ZNF883: variants seen among roughly 807,000 people sequenced by gnomAD.
ZNF883 encodes the protein zinc finger protein 883.
At chr9:112,996,789 TCAAAAAA>T (rs1421275188), downstream of ZNF883, among the ~76,000 whole-genome samples, 320 of 28,256 alleles carry the variant, frequency 0.011, 2 homozygotes, top group East Asian at 0.028. Context: ...AGACTCCGTC[TCAAAAAA>T]AAAAAAAAAA....
downstream of ZNF883, among the ~76,000 whole-genome samples, chr9:112,994,301 C>T (rs1459232611): frequency 1.3e-5 from 2 of 151,886 alleles, no homozygotes; most frequent in South Asian, 2.1e-4. Flanking sequence ...CTTTTCCTCA[C>T]TCTCCGTGCT....
chr9:113,005,761 G>A (rs1325234223), intron 2 of ZNF883, among the ~76,000 whole-genome samples: 6 of 152,008 alleles, frequency 3.9e-5, no homozygotes, highest in African/African-American at 1.2e-4. Context: ...ATGTCTGTCT[G>A]CCTTCCTAGG....
downstream of ZNF883, among the ~76,000 whole-genome samples, chr9:112,993,133 TGGA>T (rs1166941311): frequency 1.3e-5 from 2 of 152,222 alleles, no homozygotes; most frequent in African/African-American, 2.4e-5. Flanking sequence ...TGCAATCAAT[TGGA>T]GGAGAAGAGG....
At chr9:113,007,445 T>C (rs181800847) in intron 2 of ZNF883, among the ~76,000 whole-genome samples, 6 of 152,252 alleles carry the variant, frequency 3.9e-5, no homozygotes, top group Non-Finnish European at 5.9e-5. Context: ...CTTACCTACT[T>C]CTTAGTATAC....
chr9:113,008,908 CTAGTTCTCTTA>C (rs1828503236), intron 2 of ZNF883, among the ~76,000 whole-genome samples: 2 of 151,902 alleles, frequency 1.3e-5, no homozygotes, highest in South Asian at 4.2e-4. Context: ...AAGTTCTTTT[CTAGTTCTCTTA>C]GTGAAATAGG....
intron 1 of ZNF883, among the ~76,000 whole-genome samples, chr9:112,991,355 CAGG>C (rs1828300262): frequency 6.6e-6 from 1 of 152,100 alleles, no homozygotes; most frequent in Non-Finnish European, 1.5e-5. Context: ...AGGAGTCATT[CAGG>C]AGAAGGTTGT....
At chr9:113,003,652 TCA>T (rs1199968212) in intron 2 of ZNF883, among the ~76,000 whole-genome samples, 1 of 150,262 alleles carries the variant, frequency 6.7e-6, no homozygotes, top group African/African-American at 2.4e-5. Context: ...AACCAATGAC[TCA>T]CAGATTCCAC....
chr9:113,003,170 A>G (rs1190188821), upstream of ZNF883, among the ~76,000 whole-genome samples: 1 of 152,168 alleles, frequency 6.6e-6, no homozygotes, highest in East Asian at 1.9e-4. Context: ...GAGATAACTG[A>G]ATCATGGGCG....
At chr9:112,988,389 C>T (rs1828272668) in intron 1 of ZNF883, among the ~76,000 whole-genome samples, 1 of 152,122 alleles carries the variant, frequency 6.6e-6, no homozygotes, top group African/African-American at 2.4e-5. Flanking sequence ...TAAGTGAGAA[C>T]ACACAGTGTT....
chr9:112,998,106 G>A (rs753293236), exon 1 of ZNF883: 29 of 1,613,664 alleles, frequency 1.8e-5, no homozygotes, highest in East Asian at 4.5e-5. Flanking sequence ...TTACTGTTCC[G>A]GGTAAAGGAC....
At chr9:112,992,944 G>T (rs1345256083), downstream of ZNF883, among the ~76,000 whole-genome samples, 1 of 152,046 alleles carries the variant, frequency 6.6e-6, no homozygotes, top group African/African-American at 2.4e-5. Flanking sequence ...CTCTCTACTG[G>T]TTTTTCTGGT....
intron 1 of ZNF883, among the ~76,000 whole-genome samples, chr9:112,990,100 C>G (rs150067624): frequency 0.012 from 1,803 of 152,208 alleles, 22 homozygotes; most frequent in Non-Finnish European, 0.018. Context: ...ATTTGAATAC[C>G]CTTTATTTCT....
exon 1 of ZNF883, chr9:112,997,817 G>C: frequency 6.2e-7 from 1 of 1,613,080 alleles, no homozygotes; most frequent in Non-Finnish European, 8.5e-7. Context: ...TTTCTTTCCA[G>C]TATGAATTCT....
chr9:113,002,531 A>G (rs1027079680), upstream of ZNF883, among the ~76,000 whole-genome samples: 7 of 152,200 alleles, frequency 4.6e-5, no homozygotes, highest in Non-Finnish European at 8.8e-5. Context: ...GACAGTAGGG[A>G]AAACTGGCTA....
At chr9:113,008,668 T>C (rs1429377560) in intron 2 of ZNF883, among the ~76,000 whole-genome samples, 1 of 152,134 alleles carries the variant, frequency 6.6e-6, no homozygotes, top group Non-Finnish European at 1.5e-5. Flanking sequence ...GCAAAATATA[T>C]ATAAATGACA....
intron 1 of ZNF883, among the ~76,000 whole-genome samples, chr9:112,990,486 CA>C (rs1220443941): frequency 1.3e-5 from 2 of 152,156 alleles, no homozygotes; most frequent in African/African-American, 4.8e-5. Flanking sequence ...AGTGGATAAG[CA>C]TTTTGATGTG....
At chr9:112,992,161 A>G (rs1482103636), downstream of ZNF883, among the ~76,000 whole-genome samples, 2 of 152,290 alleles carry the variant, frequency 1.3e-5, no homozygotes, top group South Asian at 2.1e-4. Flanking sequence ...TTGTTGATGT[A>G]GTTGTTTCAT....
chr9:112,988,384 G>A (rs1828272575), intron 1 of ZNF883, among the ~76,000 whole-genome samples: 1 of 152,148 alleles, frequency 6.6e-6, no homozygotes, highest in African/African-American at 2.4e-5. Flanking sequence ...ACTTATAAGT[G>A]AGAACACACA....
rs752051130 is a variant in ZNF883, at chr9:112,997,992, C to T, written n.268G>A. The T allele has an allele frequency of 8.7e-6, 14 of 1,613,010 alleles. No homozygotes were observed. The South Asian group carries it at 1.2e-4, about 14-fold the overall frequency. ...TCATAAGGTTTCTCCCCAGTATGGACTCTTTGATGCTGAATAAGATTAGTG... is the reference window on the plus strand; with the variant it reads ...TCATAAGGTTTCTCCCCAGTATGGATTCTTTGATGCTGAATAAGATTAGTG... On this transcript the variant is annotated non_coding_transcript_exon_variant, in exon 1 of 1. Transcript: ENST00000639662.
Sources: gnomAD v4.1 joint callset for allele counts (sites outside exome capture counted in the v4.1 genomes callset) on GRCh38, gnomAD v4.1.1 for gene constraint, MANE v1.5 for transcripts, NCBI Gene and HGNC (gene_info 2026-07-23, HGNC 2026-07-21) for gene names.